The following ADARB2 variants were observed in gnomAD, a reference collection of about 807,000 sequenced individuals.
The protein encoded by ADARB2 is inactive double-stranded RNA-specific editase B2.
A neutral mutation model predicts 62.2 loss-of-function variants in ADARB2; 25 were observed. The ratio of observed to expected loss-of-function variants is 0.40; its 90% CI spans 0.29 to 0.56. The LOEUF is 0.56. Ranked by LOEUF, ADARB2 falls within the 20% of genes least tolerant of loss-of-function variation. ADARB2 has a pLI of 0.43. For missense variants in ADARB2, 1,071 were observed against 1,077.4 expected (o/e 0.99, Z 0.08); for synonymous variants, 572 against 500.8 (o/e 1.14, Z -1.90).
intron 1 of ADARB2, among the ~76,000 whole-genome samples, chr10:1,649,179 T>G (rs1237163948): frequency 6.6e-6 from 1 of 152,230 alleles, no homozygotes; most frequent in Non-Finnish European, 1.5e-5. Flanking sequence ...CAGCCTAATT[T>G]GCTTGTATGG....
At chr10:1,568,988 C>T (rs951763867) in intron 1 of ADARB2, among the ~76,000 whole-genome samples, 4 of 151,696 alleles carry the variant, frequency 2.6e-5, no homozygotes, top group South Asian at 2.1e-4. Flanking sequence ...CATTAGAAGG[C>T]GAGGCGAGAT....
intron 6 of ADARB2, among the ~76,000 whole-genome samples, chr10:1,231,146 C>A (rs901104086): frequency 3.3e-5 from 5 of 152,170 alleles, no homozygotes; most frequent in Non-Finnish European, 7.3e-5. Context: ...GCTGTTCTCA[C>A]TCAGCCCTCT....
chr10:1,706,492 A>AAAATTGGTC, intron 1 of ADARB2, among the ~76,000 whole-genome samples: 1 of 152,296 alleles, frequency 6.6e-6, no homozygotes, highest in Middle Eastern at 3.4e-3. Context: ...CAGGCAACAC[A>AAAATTGGTC]TTTTGTGCTG....
chr10:1,217,203 A>G, intron 6 of ADARB2, 84 bp from the exon 7 acceptor site: 2 of 1,333,016 alleles, frequency 1.5e-6, no homozygotes, highest in Non-Finnish European at 2.0e-6. Context: ...GGACTGCAAC[A>G]GAGGTCAAAG....
chr10:1,221,187 C>T (rs547402234), intron 6 of ADARB2, among the ~76,000 whole-genome samples: 10 of 152,204 alleles, frequency 6.6e-5, no homozygotes, highest in Admixed American at 2.6e-4. Flanking sequence ...TTAGAGTGTG[C>T]CTGAGACAGT....
At position 1,281,618 on chromosome 10, in the gene ADARB2, C is replaced by T. The variant is rs112845210; in HGVS notation, c.1078-10549G>A. ...TGCCAGCAGGGCTCAGGAGCAGCAC[C>T]GAGGGGTGCACAGAGACTGTCACCC... On this transcript the variant is annotated intron_variant, in intron 3 of 9. Transcript: ENST00000381312. Among the ~76,000 whole-genome samples, 598 of 152,324 alleles carry T rather than the reference C, an allele frequency of 3.9e-3. 4 individuals carry two copies. Among genetic ancestry groups the T allele is most frequent in the African/African-American group, 0.013 (548 of 41,580 alleles).
intron 1 of ADARB2, among the ~76,000 whole-genome samples, chr10:1,680,151 C>T (rs917968253): frequency 6.6e-6 from 1 of 151,842 alleles, no homozygotes; most frequent in Non-Finnish European, 1.5e-5. Context: ...CTGTGTAACC[C>T]GCCACTCATA....
At chr10:1,607,549 T>C (rs1833507915) in intron 1 of ADARB2, among the ~76,000 whole-genome samples, 1 of 152,008 alleles carries the variant, frequency 6.6e-6, no homozygotes, top group African/African-American at 2.4e-5. Context: ...AGGCACCAGC[T>C]ACCGAAGCCC....
chr10:1,387,443 G>C (rs1036280194), intron 1 of ADARB2, among the ~76,000 whole-genome samples: 1 of 151,962 alleles, frequency 6.6e-6, no homozygotes, highest in Non-Finnish European at 1.5e-5. Flanking sequence ...AGTTCCTGCA[G>C]TCATTAAATA....
At chr10:1,267,891 C>G (rs1032215693) in intron 4 of ADARB2, among the ~76,000 whole-genome samples, 1 of 152,146 alleles carries the variant, frequency 6.6e-6, no homozygotes, top group Admixed American at 6.5e-5. Context: ...CTGTTACAAT[C>G]ACTCAAAAGA....
intron 1 of ADARB2, among the ~76,000 whole-genome samples, chr10:1,732,003 T>C (rs1588370014): frequency 6.6e-6 from 1 of 152,316 alleles, no homozygotes; most frequent in South Asian, 2.1e-4. Flanking sequence ...ATATCTGTTT[T>C]GATATAATAT....
At chr10:1,417,990 C>T (rs1048558357) in intron 1 of ADARB2, among the ~76,000 whole-genome samples, 7 of 152,172 alleles carry the variant, frequency 4.6e-5, no homozygotes, top group Admixed American at 2.6e-4. Context: ...AAGAATAAGC[C>T]CCTTGCAGTA....
At chr10:1,462,653 G>A (rs1279765018) in intron 1 of ADARB2, among the ~76,000 whole-genome samples, 1 of 152,062 alleles carries the variant, frequency 6.6e-6, no homozygotes, top group African/African-American at 2.4e-5. Flanking sequence ...CTGTGTGTAT[G>A]TACATGAGTG....
intron 1 of ADARB2, among the ~76,000 whole-genome samples, chr10:1,512,856 C>T (rs1003094336): frequency 6.6e-6 from 1 of 152,178 alleles, no homozygotes; most frequent in Non-Finnish European, 1.5e-5. Context: ...GTGCTGGGCT[C>T]ACCCCACGTC....
rs10667837 is a variant in ADARB2 at position 1,179,137 on chromosome 10, A to ATACTG, written c.*4055_*4056insCAGTA. 1 of 151,858 alleles carries ATACTG rather than the reference A, an allele frequency of 6.6e-6. No homozygotes were observed. Among genetic ancestry groups the ATACTG allele is most frequent in the African/African-American group, 2.4e-5 (1 of 41,218 alleles). 9.4% of individuals were successfully genotyped at this position (151,858 alleles called of 1,614,324 possible). ...TATCTAAAAATAGGATTTCATCAAAATAACTATTCTGGGCATTGATATCCT... is the reference window on the plus strand; with the variant it reads ...TATCTAAAAATAGGATTTCATCAAAATACTGTAACTATTCTGGGCATTGATATCCT... On this transcript the variant is annotated 3_prime_UTR_variant, in exon 10 of 10. Coordinates refer to ENST00000381312, the MANE Select transcript of ADARB2 (RefSeq NM_018702.4).
rs1300544863 is a variant in ADARB2 at position 1,187,347 on chromosome 10, C to T, written c.1865-2308G>A. Among the ~76,000 whole-genome samples, 8 of 152,156 alleles carry T rather than the reference C, an allele frequency of 5.3e-5. 1 individual carries two copies. Among genetic ancestry groups the T allele is most frequent in the Admixed American group, 5.2e-4 (8 of 15,280 alleles). ...GTGCACTGGGCAGCCTCCCCTCCTC[C>T]TCCCACTCCCGTCACCAGGCGGCCT... On this transcript the variant is annotated intron_variant, in intron 8 of 9. Coordinates refer to ENST00000381312, the MANE Select transcript of ADARB2 (RefSeq NM_018702.4).
intron 3 of ADARB2, among the ~76,000 whole-genome samples, chr10:1,327,391 C>T (rs866843057): frequency 1.6e-4 from 8 of 51,526 alleles, no homozygotes; most frequent in East Asian, 1.1e-3. Flanking sequence ...CAGCGCCTCC[C>T]CACTGCACAG....
intron 1 of ADARB2, among the ~76,000 whole-genome samples, chr10:1,380,602 A>G (rs1832474421): frequency 6.6e-6 from 1 of 152,184 alleles, no homozygotes; most frequent in Admixed American, 6.5e-5. Context: ...CAAGATTTCC[A>G]GAGTCCAGGA....
intron 1 of ADARB2, among the ~76,000 whole-genome samples, chr10:1,675,707 C>G (rs1453494018): frequency 6.6e-6 from 1 of 151,818 alleles, no homozygotes; most frequent in Non-Finnish European, 1.5e-5. Flanking sequence ...GGTTTGGGTT[C>G]AGGGATGCAT....
Sources: allele counts gnomAD v4.1 joint callset (sites outside exome capture counted in the v4.1 genomes callset), GRCh38; gene constraint gnomAD v4.1.1; transcripts MANE v1.5; gene names NCBI Gene and HGNC (gene_info 2026-07-23, HGNC 2026-07-21).